The following ADAT1 variants were observed in gnomAD, a reference collection of about 807,000 sequenced individuals.
ADAT1 encodes the protein tRNA-specific adenosine deaminase 1.
A neutral mutation model predicts 58.6 loss-of-function variants in ADAT1; 58 were observed. The ratio of observed to expected loss-of-function variants is 0.99; its 90% CI spans 0.80 to 1.23. The LOEUF (loss-of-function observed/expected upper bound fraction) is 1.23, where lower values mean the gene tolerates loss of function less well. Ranked by LOEUF, ADAT1 falls within the 50% of genes most tolerant of loss-of-function variation. The probability of loss-of-function intolerance (pLI) is 0.00; values close to 1 mark genes in which losing one functional copy is unlikely to be tolerated. For missense variants in ADAT1, 741 were observed against 608.6 expected (o/e 1.22, Z -2.29); for synonymous variants, 254 against 220.8 (o/e 1.15, Z -1.33).
Position 75,622,874 on chromosome 16 carries a change from T to G in ADAT1, c.-493A>C, listed in dbSNP as rs1312969361. ...TGGAGGAAGGGACTCTGGTTTACGCTGGCTCCCTTCCTAAACACTTCCGGA... is the reference window on the plus strand; with the variant it reads ...TGGAGGAAGGGACTCTGGTTTACGCGGGCTCCCTTCCTAAACACTTCCGGA... On this transcript the variant is annotated 5_prime_UTR_variant, in exon 1 of 10. Transcript: ENST00000564657. 6.6e-6 allele frequency: 1 copy of G among 152,248 alleles called. No homozygotes were observed. Among genetic ancestry groups the G allele is most frequent in the Non-Finnish European group, 1.5e-5 (1 of 68,048 alleles). The allele number at this position is 152,248 out of a possible 1,614,324, so 9.4% of individuals were successfully genotyped here. A position where few individuals can be genotyped will look rare whatever the true frequency, so the allele number is the denominator to read the frequency against.
chr16:75,619,893 CAAAAA>C (rs750598792), intron 3 of ADAT1: 496 of 97,858 alleles, frequency 5.1e-3, no homozygotes, highest in South Asian at 9.0e-3. Flanking sequence ...GACTCCGAGT[CAAAAA>C]AAAAAAAAAA....
At chr16:75,612,934 T>G in intron 5 of ADAT1, 73 bp from the exon 6 acceptor site, 2 of 1,524,292 alleles carry the variant, frequency 1.3e-6, no homozygotes, top group Non-Finnish European at 1.8e-6. Context: ...TGGGATCTCT[T>G]GGGAATTCAT....
At chr16:75,616,323 C>G (rs1454916511) in intron 5 of ADAT1, among the ~76,000 whole-genome samples, 1 of 152,066 alleles carries the variant, frequency 6.6e-6, no homozygotes, top group Non-Finnish European at 1.5e-5. Context: ...CTTTCTTAAG[C>G]TGTATCTATA....
rs2081170112 is a variant in ADAT1, at chr16:75,599,617, C to T, written c.*599G>A. ...TCCCATGATTATGTGACCCTTACAG[C>T]TCCAGATCAAAACAGAAAGCCTTTC... On this transcript the variant is annotated 3_prime_UTR_variant, in exon 10 of 10. Coordinates refer to ENST00000564657, the MANE Select transcript of ADAT1 (RefSeq NM_001324445.2). The T allele has an allele frequency of 1.0e-6, 1 of 985,818 alleles. No individual in the cohort carries two copies. The highest frequency in any genetic ancestry group is 1.2e-6 in the Non-Finnish European group (1 of 830,066). The allele number at this position is 985,818 out of a possible 1,614,324, so 61.1% of individuals were successfully genotyped here.
At chr16:75,607,266 G>C (rs1016316123) in intron 8 of ADAT1, among the ~76,000 whole-genome samples, 8 of 152,220 alleles carry the variant, frequency 5.3e-5, no homozygotes, top group African/African-American at 1.7e-4. Context: ...CATTTTGGGA[G>C]GTTGAGGCGG....
intron 3 of ADAT1, among the ~76,000 whole-genome samples, chr16:75,619,007 C>A (rs935497123): frequency 1.1e-4 from 17 of 152,154 alleles, no homozygotes; most frequent in Admixed American, 2.0e-4. Context: ...ATGCAAATCA[C>A]CCCCAGGTGA....
chr16:75,603,300 T>C, intron 8 of ADAT1, 129 bp from the exon 9 acceptor site: 1 of 740,006 alleles, frequency 1.4e-6, no homozygotes, highest in African/African-American at 1.8e-5. Flanking sequence ...TCACCTGTAC[T>C]TGGTGAGGAG....
chr16:75,598,342 G>T lies in ADAT1; in HGVS notation c.*1874C>A. ...GCCCACCTCGGCCTCCTAAAGTGTTGGGATTACAGGCGTGAGCCACTGCAC... is the reference window on the plus strand; with the variant it reads ...GCCCACCTCGGCCTCCTAAAGTGTTTGGATTACAGGCGTGAGCCACTGCAC... On this transcript the variant is annotated 3_prime_UTR_variant, in exon 10 of 10. Coordinates refer to ENST00000564657, the MANE Select transcript of ADAT1 (RefSeq NM_001324445.2). The T allele has an allele frequency of 4.2e-6, 1 of 236,300 alleles. No homozygotes were observed. Among genetic ancestry groups the T allele is most frequent in the South Asian group, 3.5e-5 (1 of 28,340 alleles). 14.6% of individuals were successfully genotyped at this position (236,300 alleles called of 1,614,324 possible). A position where few individuals can be genotyped will look rare whatever the true frequency, so the allele number is the denominator to read the frequency against.
In ADAT1 at chr16:75,618,848, T is replaced by G. The variant is rs925941512; in HGVS notation, c.239-208A>C. On this transcript the variant is annotated intron_variant, in intron 3 of 9. Transcript: ENST00000564657. ...ACTGTAGACATTTTGGGCCAGAAAATTTTTTGTTGTGGGGGATCTATTCCA... is the reference window on the plus strand; with the variant it reads ...ACTGTAGACATTTTGGGCCAGAAAAGTTTTTGTTGTGGGGGATCTATTCCA... 1.1e-5 allele frequency: 6 copies of G among 526,578 alleles called. No individual in the cohort carries two copies. In the African/African-American group the frequency reaches 1.2e-4, roughly 10 times the overall value. 32.6% of individuals were successfully genotyped at this position (526,578 alleles called of 1,614,324 possible). A position where few individuals can be genotyped will look rare whatever the true frequency, so the allele number is the denominator to read the frequency against.
At chr16:75,609,941 C>T (rs892779936) in intron 6 of ADAT1, among the ~76,000 whole-genome samples, 1 of 152,132 alleles carries the variant, frequency 6.6e-6, no homozygotes, top group Non-Finnish European at 1.5e-5. Flanking sequence ...TTGGCTCAAG[C>T]GATCCTCCCA....
intron 4 of ADAT1, among the ~76,000 whole-genome samples, chr16:75,617,516 C>A (rs1386112683): frequency 1.3e-5 from 2 of 152,024 alleles, no homozygotes; most frequent in African/African-American, 4.8e-5. Context: ...TATCTGTAAC[C>A]CCAGCTACTT....
chr16:75,621,094 CCTCTA>C (rs752646843), intron 1 of ADAT1, among the ~76,000 whole-genome samples: 1 of 151,812 alleles, frequency 6.6e-6, no homozygotes, highest in African/African-American at 2.4e-5. Flanking sequence ...GAGTCTGCAT[CCTCTA>C]CTCAACATTA....
At chr16:75,621,614 T>C in intron 1 of ADAT1, among the ~76,000 whole-genome samples, 1 of 152,130 alleles carries the variant, frequency 6.6e-6, no homozygotes, top group Admixed American at 6.6e-5. Flanking sequence ...ATAATTAAGG[T>C]CAACTGTGAT....
rs753153897 is a variant in ADAT1, at chr16:75,620,329, T to C, written c.175A>G (p.Lys59Glu). Residue 59 changes from lysine to glutamate, a missense_variant, in exon 3 of 10, where the codon AAG (lysine) becomes GAG (glutamate). Coordinates refer to ENST00000564657, the MANE Select transcript of ADAT1 (RefSeq NM_001324445.2). ...CCTGTTCCCATTGACACAACTTCCT[T>C]TGTCACTGTGGGAAAAAAACAAATC... ...DTPDKPVQVT[K>E]EVVSMGTGTK... 52 of 1,614,000 alleles carry C rather than the reference T, an allele frequency of 3.2e-5. No individual in the cohort carries two copies. In the Admixed American group the frequency reaches 6.8e-4, roughly 21 times the overall value.
intron 8 of ADAT1, among the ~76,000 whole-genome samples, chr16:75,605,207 T>C (rs148138934): frequency 0.097 from 14,729 of 152,096 alleles, 2,358 homozygotes; most frequent in East Asian, 0.7. Context: ...TCTCCTGCCT[T>C]GGCCTCCCAA....
intron 4 of ADAT1, among the ~76,000 whole-genome samples, chr16:75,617,525 T>C (rs1160820487): frequency 6.6e-6 from 1 of 152,068 alleles, no homozygotes; most frequent in African/African-American, 2.4e-5. Context: ...CCCCAGCTAC[T>C]TGGGAGACTG....
At chr16:75,600,970 G>A (rs1034776723) in intron 9 of ADAT1, among the ~76,000 whole-genome samples, 1 of 152,150 alleles carries the variant, frequency 6.6e-6, no homozygotes, top group East Asian at 1.9e-4. Context: ...AAACAGTTAA[G>A]AATGAACAGA....
Position 75,599,277 on chromosome 16 carries a change from T to C in ADAT1, c.*939A>G. ...TTGCATTTTTAGTAGAGACAGGGTT[T>C]CACCAGGTTGGCCAGGCTGGTCTTG... On this transcript the variant is annotated 3_prime_UTR_variant, in exon 10 of 10. Transcript: ENST00000564657. 1 of 860,142 alleles carries C rather than the reference T, an allele frequency of 1.2e-6. No individual in the cohort carries two copies. Among genetic ancestry groups the C allele is most frequent in the Non-Finnish European group, 1.4e-6 (1 of 715,932 alleles). The allele number at this position is 860,142 out of a possible 1,614,324, so 53.3% of individuals were successfully genotyped here.
chr16:75,606,223 G>A lies in ADAT1; in HGVS notation c.1289+2001C>T, dbSNP rs1324263537. On this transcript the variant is annotated intron_variant, in intron 8 of 9. Transcript: ENST00000564657. The stretch of plus-strand genomic sequence containing the variant: ...AACCAACAGTAATTGCCACAAAGAG[G>A]AACAAAAGCTTAATTGCAACAGTAA... Among the ~76,000 whole-genome samples the A allele has an allele frequency of 2.0e-5, 3 of 152,020 alleles. No individual in the cohort carries two copies. The East Asian group carries it at 5.8e-4, about 29-fold the overall frequency.
Sources: gnomAD v4.1 joint callset for allele counts (sites outside exome capture counted in the v4.1 genomes callset) on GRCh38, gnomAD v4.1.1 for gene constraint, MANE v1.5 for transcripts, NCBI Gene and HGNC (gene_info 2026-07-23, HGNC 2026-07-21) for gene names.